RALYL: variants seen among roughly 807,000 people sequenced by gnomAD.
RALYL encodes the protein RNA-binding Raly-like protein.
RALYL carries 29 observed loss-of-function variants against 35.1 expected under a neutral mutation model. The ratio of observed to expected loss-of-function variants is 0.83; its 90% CI spans 0.61 to 1.13. RALYL has a LOEUF of 1.13. Ranked by LOEUF, RALYL falls within the 50% of genes most tolerant of loss-of-function variation. The pLI is 0.00. For synonymous variants in RALYL, 120 were observed against 127.6 expected (o/e 0.94, Z 0.40); for missense variants, 359 against 360.4 (o/e 1.00, Z 0.03).
chr8:84,245,888 C>T (rs1350298966), intron 1 of RALYL, among the ~76,000 whole-genome samples: 3 of 152,068 alleles, frequency 2.0e-5, no homozygotes, highest in Non-Finnish European at 4.4e-5. Context: ...ATAATTAAAG[C>T]ACAGCCTGGG....
chr8:84,853,348 CATTAG>C (rs772908704), intron 5 of RALYL, among the ~76,000 whole-genome samples: 1 of 152,108 alleles, frequency 6.6e-6, no homozygotes, highest in African/African-American at 2.4e-5. Flanking sequence ...TCAATAAAAT[CATTAG>C]ATTAGATAGG....
intron 1 of RALYL, among the ~76,000 whole-genome samples, chr8:84,258,722 CA>C (rs1310301197): frequency 1.3e-5 from 2 of 151,970 alleles, no homozygotes; most frequent in Non-Finnish European, 1.5e-5. Context: ...ATTTTTTTAC[CA>C]GGGTGATATT....
chr8:84,329,068 A>T (rs1452545982), intron 1 of RALYL, among the ~76,000 whole-genome samples: 2 of 152,160 alleles, frequency 1.3e-5, no homozygotes, highest in Non-Finnish European at 2.9e-5. Context: ...TGATGAAGAT[A>T]CGAGTGCATT....
intron 3 of RALYL, among the ~76,000 whole-genome samples, chr8:84,788,431 T>C (rs1248817448): frequency 6.6e-6 from 1 of 152,184 alleles, no homozygotes; most frequent in South Asian, 2.1e-4. Flanking sequence ...TTAAAGAGAA[T>C]TTTATAACCA....
chr8:84,258,677 AT>A, intron 1 of RALYL, among the ~76,000 whole-genome samples: 1 of 152,146 alleles, frequency 6.6e-6, no homozygotes, highest in Non-Finnish European at 1.5e-5. Context: ...AAAGTAGATT[AT>A]TTGCTGTAAA....
rs113296767 is a variant in RALYL, at chr8:84,832,109, G to A, written c.366-17871G>A. Among the ~76,000 whole-genome samples, 473 of 152,132 alleles carry A rather than the reference G, an allele frequency of 3.1e-3. 2 individuals carry two copies. The highest frequency in any genetic ancestry group is 0.011 in the African/African-American group (462 of 41,524). ...TGTCCTCTCATTTTAATTTGAATACGTTTACTGTTTTATGCTGAATTAATA... is the reference window on the plus strand; with the variant it reads ...TGTCCTCTCATTTTAATTTGAATACATTTACTGTTTTATGCTGAATTAATA... On this transcript the variant is annotated intron_variant, in intron 4 of 8. Coordinates refer to ENST00000521268, the MANE Select transcript of RALYL (RefSeq NM_173848.7).
Position 84,413,682 on chromosome 8 carries a change from G to A in RALYL, c.-23-115617G>A, listed in dbSNP as rs565089993. 1.6e-4 allele frequency among the ~76,000 whole-genome samples: 24 copies of A among 151,998 alleles called. No individual in the cohort carries two copies. The South Asian group carries it at 5.0e-3, about 32-fold the overall frequency. ...AAAGTGCCAAGTTATTATAACTACT[G>A]CCTTATGATTCACTCAAAGTAAAGG... is the stretch of plus-strand genomic sequence containing the variant. On this transcript the variant is annotated intron_variant, in intron 1 of 8. Coordinates refer to ENST00000521268, the MANE Select transcript of RALYL (RefSeq NM_173848.7).
intron 2 of RALYL, among the ~76,000 whole-genome samples, chr8:84,693,352 G>C (rs926108808): frequency 2.1e-4 from 32 of 151,866 alleles, no homozygotes; most frequent in African/African-American, 7.5e-4. Flanking sequence ...TTCTTCACAT[G>C]ATGGCAGGAA....
intron 2 of RALYL, among the ~76,000 whole-genome samples, chr8:84,746,731 G>A (rs748816558): frequency 2.6e-5 from 4 of 151,744 alleles, no homozygotes; most frequent in Non-Finnish European, 4.4e-5. Flanking sequence ...GAAGAAATAT[G>A]GAAGAAATTT....
intron 1 of RALYL, among the ~76,000 whole-genome samples, chr8:84,294,677 AG>A (rs1472649755): frequency 6.6e-6 from 1 of 152,088 alleles, no homozygotes; most frequent in Non-Finnish European, 1.5e-5. Context: ...GTTATAACAA[AG>A]GTCACCGACC....
chr8:84,756,385 A>G (rs1289250499), intron 2 of RALYL, among the ~76,000 whole-genome samples: 1 of 152,172 alleles, frequency 6.6e-6, no homozygotes, highest in Non-Finnish European at 1.5e-5. Flanking sequence ...ACTTCAGTAA[A>G]TAGTTTAGAA....
chr8:84,321,890 A>T (rs1175350005), intron 1 of RALYL, among the ~76,000 whole-genome samples: 1 of 152,130 alleles, frequency 6.6e-6, no homozygotes, highest in Non-Finnish European at 1.5e-5. Flanking sequence ...ATTTTAGAGA[A>T]AACAGACATA....
At chr8:84,394,150 GT>G (rs888496181) in intron 1 of RALYL, among the ~76,000 whole-genome samples, 6 of 151,994 alleles carry the variant, frequency 3.9e-5, no homozygotes, top group African/African-American at 1.4e-4. Flanking sequence ...ATGATTTCAA[GT>G]GTCGTTCACT....
At chr8:84,833,216 C>T (rs1732024988) in intron 4 of RALYL, among the ~76,000 whole-genome samples, 1 of 152,058 alleles carries the variant, frequency 6.6e-6, no homozygotes, top group Admixed American at 6.6e-5. Flanking sequence ...CCTAGTTGGT[C>T]AAAATTATTC....
At chr8:84,755,692 C>G (rs1418389370) in intron 2 of RALYL, among the ~76,000 whole-genome samples, 13 of 151,746 alleles carry the variant, frequency 8.6e-5, no homozygotes, top group African/African-American at 3.1e-4. Flanking sequence ...AATATTTAAT[C>G]ATATATATAT....
chr8:84,437,904 A>G (rs2047916343), intron 1 of RALYL, among the ~76,000 whole-genome samples: 1 of 152,204 alleles, frequency 6.6e-6, no homozygotes, highest in Non-Finnish European at 1.5e-5. Context: ...AGATGCCAGC[A>G]TCATGCATCT....
chr8:84,484,561 G>C (rs916173052), intron 1 of RALYL, among the ~76,000 whole-genome samples: 2 of 152,016 alleles, frequency 1.3e-5, no homozygotes, highest in Admixed American at 6.6e-5. Context: ...TGGAACTCTA[G>C]TTAGGGCACT....
At chr8:84,581,481 A>G (rs1481717969) in intron 2 of RALYL, among the ~76,000 whole-genome samples, 4 of 152,226 alleles carry the variant, frequency 2.6e-5, no homozygotes, top group Non-Finnish European at 5.9e-5. Context: ...CACATAATAT[A>G]GAATCTGAGG....
In RALYL at chr8:84,726,322, A is replaced by T. The variant is rs955504581; in HGVS notation, c.257-48257A>T. ...AAATTATATATATTTATAAATATAT[A>T]ATTATATATAATTTTATTTTTGTAG... is the stretch of plus-strand genomic sequence containing the variant. On this transcript the variant is annotated intron_variant, in intron 2 of 8. Coordinates refer to ENST00000521268, the MANE Select transcript of RALYL (RefSeq NM_173848.7). 3.4e-5 allele frequency among the ~76,000 whole-genome samples: 5 copies of T among 146,680 alleles called. No individual in the cohort carries two copies. In the Admixed American group the frequency reaches 3.4e-4, roughly 10 times the overall value.
Sources: allele counts gnomAD v4.1 joint callset (sites outside exome capture counted in the v4.1 genomes callset), GRCh38; gene constraint gnomAD v4.1.1; transcripts MANE v1.5; gene names NCBI Gene and HGNC (gene_info 2026-07-23, HGNC 2026-07-21).